Variants in LGI2 observed in about 807,000 individuals in gnomAD.
The protein encoded by LGI2 is leucine rich repeat LGI family member 2, also known as leucine-rich repeat LGI family member 2.
In LGI2, 30 loss-of-function variants were observed where a neutral mutation model predicts 52.0. The observed-to-expected ratio is 0.58, with a 90% confidence interval of 0.43 to 0.78. The LOEUF (loss-of-function observed/expected upper bound fraction) is 0.78, where lower values mean the gene tolerates loss of function less well. Among genes scored for constraint, LGI2 ranks in the 30% least tolerant of loss-of-function variants. The pLI, the probability that LGI2 is intolerant of heterozygous loss-of-function variation, is 0.00. For synonymous variants in LGI2, 270 were observed against 271.8 expected (o/e 0.99, Z 0.06); for missense variants, 573 against 692.5 (o/e 0.83, Z 1.94).
downstream of LGI2, among the ~76,000 whole-genome samples, chr4:24,994,648 G>C (rs12648942): frequency 6.6e-6 from 1 of 152,018 alleles, no homozygotes; most frequent in Non-Finnish European, 1.5e-5. Context: ...TGTGTGTTTC[G>C]GGGGTCGGTG....
chr4:24,996,445 A>T (rs545957159), downstream of LGI2, among the ~76,000 whole-genome samples: 74 of 152,214 alleles, frequency 4.9e-4, no homozygotes, highest in Non-Finnish European at 8.2e-4. Flanking sequence ...AATGATGTAA[A>T]CTAGAAATAA....
intron 2 of LGI2, among the ~76,000 whole-genome samples, chr4:25,027,240 C>T (rs1036891661): frequency 1.3e-5 from 2 of 152,008 alleles, no homozygotes; most frequent in African/African-American, 2.4e-5. Context: ...ATGCTCAGCA[C>T]GACTAAACAG....
chr4:25,019,138 A>G (rs772750452), intron 5 of LGI2, 29 bp downstream of exon 5: 1 of 1,377,286 alleles, frequency 7.3e-7, no homozygotes, highest in Non-Finnish European at 1.0e-6. Context: ...ACAATGACAA[A>G]CACACATAAA....
At position 25,004,806 on chromosome 4, in the gene LGI2, T is replaced by A. The variant is rs1280833263; in HGVS notation, c.821-538A>T. Among the ~76,000 whole-genome samples the A allele has an allele frequency of 6.6e-6, 1 of 152,202 alleles. No individual in the cohort carries two copies. The highest frequency in any genetic ancestry group is 2.4e-5 in the African/African-American group (1 of 41,448). ...TCTGTTGCTTATAAGCCACTCAGTC[T>A]ACGGTATTCTGTTGCAGCAGCCCAA... On this transcript the variant is annotated intron_variant, in intron 7 of 7. Transcript: ENST00000382114. This position sits in a 1 kb window ranked among gnomAD's most constrained non-coding sequence, Gnocchi z 4.6.
Position 25,021,894 on chromosome 4 carries a change from G to A in LGI2, c.414-2656C>T, listed in dbSNP as rs180783650. 8.7e-4 allele frequency among the ~76,000 whole-genome samples: 120 copies of A among 137,866 alleles called. 1 individual carries two copies. Among genetic ancestry groups the A allele is most frequent in the Non-Finnish European group, 5.0e-4 (33 of 66,544 alleles). The allele number at this position is 137,866 out of a possible 152,430, so 90.4% of individuals were successfully genotyped here. ...TGCAGTGAGCCAAGATTGCACCACT[G>A]CACTCCAGCCTAGGTAGCAGAGAGA... On this transcript the variant is annotated intron_variant, in intron 4 of 7. Transcript: ENST00000382114.
intron 7 of LGI2, among the ~76,000 whole-genome samples, chr4:25,007,578 A>AGTGTGTGTGTGT (rs3066687): frequency 1.5e-4 from 21 of 142,260 alleles, no homozygotes; most frequent in East Asian, 1.0e-3. Flanking sequence ...CAGACAGATC[A>AGTGTGTGTGTGT]GTGTGTGTGT....
At chr4:25,022,845 C>T (rs369010756) in intron 4 of LGI2, among the ~76,000 whole-genome samples, 90 of 152,314 alleles carry the variant, frequency 5.9e-4, no homozygotes, top group African/African-American at 2.1e-3. Flanking sequence ...GTCACATGGG[C>T]TTTGCCTTAG....
intron 1 of LGI2, among the ~76,000 whole-genome samples, chr4:25,029,453 A>G (rs1726255559): frequency 6.6e-6 from 1 of 152,224 alleles, no homozygotes. Context: ...ACTGGACACA[A>G]GAAAGTATCT....
intron 4 of LGI2, 79 bp downstream of exon 4, chr4:25,024,741 G>T: frequency 2.1e-6 from 2 of 954,252 alleles, no homozygotes; most frequent in Non-Finnish European, 3.2e-6. Context: ...GACAGTTACA[G>T]CCAAGAAACA....
chr4:25,028,835 G>A (rs149826993), intron 1 of LGI2, among the ~76,000 whole-genome samples: 1 of 152,332 alleles, frequency 6.6e-6, no homozygotes, highest in Non-Finnish European at 1.5e-5. Flanking sequence ...CATTATCTCG[G>A]TCAGTTTAAA....
chr4:25,023,678 C>T, intron 4 of LGI2, among the ~76,000 whole-genome samples: 1 of 152,202 alleles, frequency 6.6e-6, no homozygotes, highest in Non-Finnish European at 1.5e-5. Context: ...AGTCAAAACC[C>T]TCCAATTTTC....
Position 24,999,755 on chromosome 4 carries a change from A to G in LGI2, c.*3696T>C, listed in dbSNP as rs1416437962. 1 of 452,718 alleles carries G rather than the reference A, an allele frequency of 2.2e-6. No individual in the cohort carries two copies. The highest frequency in any genetic ancestry group is 2.4e-5 in the Admixed American group (1 of 42,106). The allele number at this position is 452,718 out of a possible 1,614,324, so 28.0% of individuals were successfully genotyped here. A position where few individuals can be genotyped will look rare whatever the true frequency, so the allele number is the denominator to read the frequency against. On this transcript the variant is annotated 3_prime_UTR_variant, in exon 8 of 8. Transcript: ENST00000382114. ...CATCCCATGCTGATTTCTTTCCTAA[A>G]AATACACAGACTCTCACTCCATGGG...
chr4:25,020,104 T>C (rs1725907706), intron 4 of LGI2, among the ~76,000 whole-genome samples: 2 of 152,198 alleles, frequency 1.3e-5, no homozygotes, highest in Admixed American at 6.5e-5. Flanking sequence ...AAGGACTCAG[T>C]CAATACTCCT....
chr4:25,022,518 C>T (rs896766316), intron 4 of LGI2, among the ~76,000 whole-genome samples: 4 of 152,122 alleles, frequency 2.6e-5, no homozygotes, highest in Admixed American at 1.3e-4. Flanking sequence ...ATTCCATGCT[C>T]GCTGGACCCA....
At chr4:25,026,795 C>A in intron 3 of LGI2, 73 bp downstream of exon 3, 1 of 1,201,180 alleles carries the variant, frequency 8.3e-7, no homozygotes, top group Non-Finnish European at 1.2e-6. Context: ...GATGCTGTTC[C>A]AGCACAGAAA....
intron 4 of LGI2, among the ~76,000 whole-genome samples, chr4:25,020,169 C>T (rs1725910223): frequency 6.6e-6 from 1 of 152,142 alleles, no homozygotes; most frequent in East Asian, 1.9e-4. Flanking sequence ...AAATCTCAAC[C>T]GATCAGAATG....
chr4:24,994,941 G>A (rs1363849747), downstream of LGI2, among the ~76,000 whole-genome samples: 1 of 152,146 alleles, frequency 6.6e-6, no homozygotes, highest in Non-Finnish European at 1.5e-5. Context: ...AAGTCTTCTC[G>A]GCCATGGTTA....
chr4:25,027,087 T>C (rs1385533297), intron 2 of LGI2, 148 bp from the exon 3 acceptor site: 1 of 638,860 alleles, frequency 1.6e-6, no homozygotes, highest in Non-Finnish European at 2.8e-6. Flanking sequence ...GTCAAAAACC[T>C]GATTCTCACA....
intron 6 of LGI2, 42 bp from the exon 7 acceptor site, chr4:25,012,541 C>A: frequency 1.9e-6 from 3 of 1,598,020 alleles, no homozygotes; most frequent in East Asian, 4.5e-5. Context: ...CATAAAATCT[C>A]CTGTAGGGAT....
Sources: allele counts gnomAD v4.1 joint callset (sites outside exome capture counted in the v4.1 genomes callset), GRCh38; gene constraint gnomAD v4.1.1; non-coding constraint Gnocchi (gnomAD v3.1); transcripts MANE v1.5; gene names NCBI Gene and HGNC (gene_info 2026-07-23, HGNC 2026-07-21).